The following ZFYVE9 variants were observed in gnomAD, a reference collection of about 807,000 sequenced individuals.
ZFYVE9 encodes the protein zinc finger FYVE domain-containing protein 9.
ZFYVE9 carries 43 observed loss-of-function variants against 126.7 expected under a neutral mutation model. The observed-to-expected ratio is 0.34, with a 90% CI of 0.27 to 0.44. ZFYVE9 has a LOEUF of 0.44. Among genes scored for constraint, ZFYVE9 ranks in the 20% least tolerant of loss-of-function variants. ZFYVE9 has a pLI of 1.00. For synonymous variants in ZFYVE9, 521 were observed against 597.4 expected, an observed-to-expected ratio of 0.87 and a Z score of 1.87; for missense variants, 1,476 against 1,697.0, an observed-to-expected ratio of 0.87 and a Z score of 2.29.
At chr1:52,313,700 T>C (rs1005763567) in intron 13 of ZFYVE9, among the ~76,000 whole-genome samples, 2 of 152,188 alleles carry the variant, frequency 1.3e-5, no homozygotes, top group Non-Finnish European at 2.9e-5. Context: ...TTCAAACTGC[T>C]CTGATCCTAC....
Position 52,318,428 on chromosome 1 carries a change from TAAGAA to T in ZFYVE9, c.3439-14339_3439-14335del, listed in dbSNP as rs143876242. On this transcript the variant is annotated intron_variant, in intron 13 of 18. Transcript: ENST00000287727. ...TGTGTGTGTGTGTATCTTGGCAATC[TAAGAA>T]GAGAACTTTCACAAGCTAATGATTA... 4.0e-3 allele frequency among the ~76,000 whole-genome samples: 589 copies of T among 148,090 alleles called. 3 individuals carry two copies. Among genetic ancestry groups the T allele is most frequent in the African/African-American group, 0.014 (562 of 39,510 alleles).
chr1:52,237,181 C>T (rs541847794), intron 3 of ZFYVE9, among the ~76,000 whole-genome samples: 33 of 152,116 alleles, frequency 2.2e-4, no homozygotes, highest in Non-Finnish European at 4.1e-4. Context: ...CCTGTCCTGG[C>T]TTTGCTCAAT....
chr1:52,338,571 G>A (rs1646409208), intron 16 of ZFYVE9, among the ~76,000 whole-genome samples: 1 of 152,100 alleles, frequency 6.6e-6, no homozygotes, highest in Admixed American at 6.6e-5. Context: ...TTTCTCAAAG[G>A]ATTCTACACA....
chr1:52,316,442 G>A (rs1055383165), intron 13 of ZFYVE9, among the ~76,000 whole-genome samples: 2 of 147,406 alleles, frequency 1.4e-5, no homozygotes, highest in South Asian at 2.1e-4. Flanking sequence ...CCGAGATCAC[G>A]CCACTGCACT....
intron 1 of ZFYVE9, among the ~76,000 whole-genome samples, chr1:52,188,181 A>G (rs1468337749): frequency 6.6e-6 from 1 of 151,936 alleles, no homozygotes; most frequent in Non-Finnish European, 1.5e-5. Context: ...GTGCAGGAAC[A>G]CGGATGGAGC....
intron 14 of ZFYVE9, among the ~76,000 whole-genome samples, chr1:52,333,983 C>T (rs926906622): frequency 1.3e-5 from 2 of 151,836 alleles, no homozygotes; most frequent in African/African-American, 4.8e-5. Flanking sequence ...GTCCCAGCTA[C>T]TCGGGAGGCT....
chr1:52,293,742 C>T (rs1010776173), intron 11 of ZFYVE9, 65 bp downstream of exon 11: 4 of 1,450,006 alleles, frequency 2.8e-6, no homozygotes, highest in Admixed American at 3.7e-5. Flanking sequence ...TATTCAGAGC[C>T]CTCTGTTTGG....
At chr1:52,225,859 G>C (rs74080913) in intron 2 of ZFYVE9, among the ~76,000 whole-genome samples, 1 of 152,092 alleles carries the variant, frequency 6.6e-6, no homozygotes, top group African/African-American at 2.4e-5. Context: ...AAGGTTCATC[G>C]TCTTGTGCCA....
chr1:52,345,446 G>T (rs1376502583), intron 18 of ZFYVE9, among the ~76,000 whole-genome samples: 1 of 152,120 alleles, frequency 6.6e-6, no homozygotes. Flanking sequence ...ATGATGAAAG[G>T]TTCTGTGTCT....
At chr1:52,155,360 G>A (rs556655445) in intron 1 of ZFYVE9, among the ~76,000 whole-genome samples, 2 of 149,628 alleles carry the variant, frequency 1.3e-5, no homozygotes, top group Non-Finnish European at 3.0e-5. Context: ...TCAGCCTCCC[G>A]AGTAGCTGGG....
At chr1:52,168,229 T>C (rs533687007) in intron 1 of ZFYVE9, among the ~76,000 whole-genome samples, 160 of 146,384 alleles carry the variant, frequency 1.1e-3, no homozygotes, top group African/African-American at 3.8e-3. Context: ...TTTTTTTTTT[T>C]TTTTTTTGAC....
At chr1:52,289,085 GA>G (rs1266844083) in intron 10 of ZFYVE9, among the ~76,000 whole-genome samples, 1 of 152,044 alleles carries the variant, frequency 6.6e-6, no homozygotes, top group Non-Finnish European at 1.5e-5. Flanking sequence ...AGTTATATTT[GA>G]ATTGAATTTA....
intron 3 of ZFYVE9, among the ~76,000 whole-genome samples, chr1:52,237,207 C>T (rs1307026415): frequency 6.6e-6 from 1 of 152,118 alleles, no homozygotes; most frequent in African/African-American, 2.4e-5. Context: ...GGTGCTTTCC[C>T]CTCTTCTGGG....
At chr1:52,181,949 G>T (rs1371895010) in intron 1 of ZFYVE9, among the ~76,000 whole-genome samples, 1 of 151,564 alleles carries the variant, frequency 6.6e-6, no homozygotes, top group Non-Finnish European at 1.5e-5. Context: ...CGGGGAGGGA[G>T]GTGGGGGTCA....
chr1:52,241,883 A>G (rs1645336990), intron 4 of ZFYVE9, among the ~76,000 whole-genome samples: 1 of 152,192 alleles, frequency 6.6e-6, no homozygotes, highest in Non-Finnish European at 1.5e-5. Context: ...TTCAGTAGAA[A>G]TTAAGCATAC....
At chr1:52,205,189 C>T (rs755258826) in intron 1 of ZFYVE9, among the ~76,000 whole-genome samples, 1 of 151,582 alleles carries the variant, frequency 6.6e-6, no homozygotes, top group African/African-American at 2.4e-5. Context: ...ATCTTCCCAC[C>T]TCAGTTCCCC....
chr1:52,305,837 T>C (rs1161092239), intron 13 of ZFYVE9, among the ~76,000 whole-genome samples: 1 of 152,108 alleles, frequency 6.6e-6, no homozygotes, highest in Admixed American at 6.5e-5. Flanking sequence ...TTCCCTGCTG[T>C]CAGCACCCAC....
chr1:52,148,678 G>A (rs1332079269), intron 1 of ZFYVE9, among the ~76,000 whole-genome samples: 8 of 149,922 alleles, frequency 5.3e-5, no homozygotes, highest in African/African-American at 1.7e-4. Context: ...GTCTTGCTCT[G>A]TTGCCCAGGC....
chr1:52,270,413 G>T (rs145324985), intron 7 of ZFYVE9, among the ~76,000 whole-genome samples: 4 of 152,100 alleles, frequency 2.6e-5, no homozygotes, highest in African/African-American at 9.6e-5. Flanking sequence ...ACAGGCGCCC[G>T]CCACCATGCC....
Sources: allele counts gnomAD v4.1 joint callset (sites outside exome capture counted in the v4.1 genomes callset), GRCh38; gene constraint gnomAD v4.1.1; transcripts MANE v1.5; gene names NCBI Gene and HGNC (gene_info 2026-07-23, HGNC 2026-07-21).